ACAP2: variants seen among roughly 807,000 people sequenced by gnomAD.
ACAP2 encodes the protein arf-GAP with coiled-coil, ANK repeat and PH domain-containing protein 2.
In ACAP2, 39 loss-of-function variants were observed where a neutral mutation model predicts 115.8. The ratio of observed to expected loss-of-function variants is 0.34; its 90% CI spans 0.26 to 0.44. ACAP2 has a LOEUF of 0.44. Ranked by LOEUF, ACAP2 falls within the 20% of genes least tolerant of loss-of-function variation. The probability of loss-of-function intolerance (pLI) is 1.00; values close to 1 mark genes in which losing one functional copy is unlikely to be tolerated. For synonymous variants in ACAP2, 289 were observed against 315.8 expected (o/e 0.92, Z 0.90); for missense variants, 662 against 927.6 (o/e 0.71, Z 3.72).
intron 22 of ACAP2, among the ~76,000 whole-genome samples, chr3:195,283,884 A>G (rs1055526873): frequency 6.6e-6 from 1 of 152,070 alleles, no homozygotes; most frequent in African/African-American, 2.4e-5. Flanking sequence ...TTTTAAAATG[A>G]GGCTTTTTTT....
chr3:195,308,859 TA>T, intron 10 of ACAP2, 22 bp from the exon 11 acceptor site: 2 of 1,579,338 alleles, frequency 1.3e-6, no homozygotes, highest in Non-Finnish European at 8.6e-7. Flanking sequence ...CAAAATAGAT[TA>T]AGTTTTCATA....
At chr3:195,327,316 A>T (rs1729860351) in intron 8 of ACAP2, among the ~76,000 whole-genome samples, 2 of 152,170 alleles carry the variant, frequency 1.3e-5, no homozygotes, top group Admixed American at 1.3e-4. Context: ...CTGGTAGTTA[A>T]AATCAAAGAC....
chr3:195,304,776 G>A (rs1728313996), intron 13 of ACAP2, among the ~76,000 whole-genome samples: 3 of 152,294 alleles, frequency 2.0e-5, no homozygotes, highest in Middle Eastern at 3.4e-3. Context: ...AGACCCTGAC[G>A]ATGGTTGTTC....
At chr3:195,409,331 C>T (rs541227090) in intron 1 of ACAP2, among the ~76,000 whole-genome samples, 215 of 151,960 alleles carry the variant, frequency 1.4e-3, no homozygotes, top group African/African-American at 4.8e-3. Flanking sequence ...GAAAACAATG[C>T]CATTTATAAT....
At chr3:195,369,999 CTAAT>C (rs1263271760) in intron 4 of ACAP2, among the ~76,000 whole-genome samples, 2 of 152,194 alleles carry the variant, frequency 1.3e-5, no homozygotes, top group East Asian at 3.9e-4. Flanking sequence ...TTGCATTTCT[CTAAT>C]TATTAGTGAT....
At chr3:195,396,650 G>A (rs1447264313) in intron 1 of ACAP2, among the ~76,000 whole-genome samples, 3 of 151,886 alleles carry the variant, frequency 2.0e-5, no homozygotes, top group Non-Finnish European at 4.4e-5. Flanking sequence ...AGCCAGGCAT[G>A]GTGGCGCATG....
In ACAP2 at chr3:195,360,604, G is replaced by A. The variant is rs577751349; in HGVS notation, c.286-15287C>T. Among the ~76,000 whole-genome samples, 11 of 152,280 alleles carry A rather than the reference G, an allele frequency of 7.2e-5. No individual in the cohort carries two copies. In the South Asian group the frequency reaches 8.3e-4, roughly 11 times the overall value. ...GAGGTCAGGAGTTCGAGACCAGCCTGGCCAACATGGTGAAACCCCATTTCT... is the reference window on the plus strand; with the variant it reads ...GAGGTCAGGAGTTCGAGACCAGCCTAGCCAACATGGTGAAACCCCATTTCT... On this transcript the variant is annotated intron_variant, in intron 4 of 22. Coordinates refer to ENST00000326793, the MANE Select transcript of ACAP2 (RefSeq NM_012287.6).
At chr3:195,301,691 G>T (rs537626251) in intron 14 of ACAP2, 47 bp from the exon 15 acceptor site, 1 of 1,545,378 alleles carries the variant, frequency 6.5e-7, no homozygotes, top group African/African-American at 1.4e-5. Context: ...CTCTGTTTGC[G>T]TATTTGCGCA....
Position 195,277,818 on chromosome 3 carries a change from A to T in ACAP2, c.*1510T>A, listed in dbSNP as rs1437045520. On this transcript the variant is annotated 3_prime_UTR_variant, in exon 23 of 23. Coordinates refer to ENST00000326793, the MANE Select transcript of ACAP2 (RefSeq NM_012287.6). The stretch of plus-strand genomic sequence containing the variant: ...CAAATTAGGCTGGGTGCGGTGGCTC[A>T]CGCCTGTAATCCCAGCACTCTGGGA... 6.6e-6 allele frequency: 1 copy of T among 152,220 alleles called. No individual in the cohort carries two copies. The highest frequency in any genetic ancestry group is 1.5e-5 in the Non-Finnish European group (1 of 68,054). 9.4% of individuals were successfully genotyped at this position (152,220 alleles called of 1,614,324 possible).
At chr3:195,359,517 G>C (rs1339037285) in intron 4 of ACAP2, among the ~76,000 whole-genome samples, 1 of 152,190 alleles carries the variant, frequency 6.6e-6, no homozygotes, top group South Asian at 2.1e-4. Flanking sequence ...ACCCAGGCTG[G>C]AGTGCAGTGG....
chr3:195,417,214 G>A (rs997499362), intron 1 of ACAP2, among the ~76,000 whole-genome samples: 6 of 150,484 alleles, frequency 4.0e-5, no homozygotes, highest in Non-Finnish European at 7.4e-5. Flanking sequence ...TTACAGGCAT[G>A]AGCCACCACA....
intron 21 of ACAP2, among the ~76,000 whole-genome samples, chr3:195,287,338 C>T (rs528374991): frequency 1.9e-4 from 29 of 152,230 alleles, no homozygotes; most frequent in African/African-American, 6.7e-4. Context: ...GATCACATTA[C>T]ATTTTATTCA....
At chr3:195,356,073 T>C (rs78704743) in intron 4 of ACAP2, 2 of 456,452 alleles carry the variant, frequency 4.4e-6, no homozygotes, top group African/African-American at 2.0e-5. Context: ...AGTACCTTCA[T>C]ATTGCTGAAA....
intron 2 of ACAP2, among the ~76,000 whole-genome samples, 198 bp downstream of exon 2, chr3:195,391,892 G>GGGATCCCAA (rs1734702772): frequency 6.6e-6 from 1 of 152,042 alleles, no homozygotes; most frequent in Non-Finnish European, 1.5e-5. Flanking sequence ...CTACTTGGGA[G>GGGATCCCAA]GCTGAGGCAG....
At chr3:195,378,511 C>CAAA (rs111244710) in intron 4 of ACAP2, among the ~76,000 whole-genome samples, 43 of 147,506 alleles carry the variant, frequency 2.9e-4, no homozygotes, top group African/African-American at 1.0e-3. Flanking sequence ...ACAAAACAAA[C>CAAA]AAACAAAAAA....
At chr3:195,308,320 G>A (rs1452163950) in intron 11 of ACAP2, among the ~76,000 whole-genome samples, 1 of 146,086 alleles carries the variant, frequency 6.8e-6, no homozygotes, top group Non-Finnish European at 1.5e-5. Context: ...ACTAGACAAA[G>A]ATACATATAA....
chr3:195,431,379 G>A (rs1033607102), intron 1 of ACAP2, among the ~76,000 whole-genome samples: 1 of 151,866 alleles, frequency 6.6e-6, no homozygotes, highest in African/African-American at 2.4e-5. Flanking sequence ...CATTTCTCTT[G>A]GGTATACACC....
chr3:195,396,077 C>G (rs2108780249), intron 1 of ACAP2, among the ~76,000 whole-genome samples: 1 of 151,852 alleles, frequency 6.6e-6, no homozygotes, highest in South Asian at 2.1e-4. Flanking sequence ...ATGGTGAAAC[C>G]CCTTCTCTAA....
chr3:195,342,328 A>T (rs1423010011), intron 6 of ACAP2, 143 bp downstream of exon 6: 1 of 747,916 alleles, frequency 1.3e-6, no homozygotes, highest in Non-Finnish European at 2.0e-6. Context: ...ATAGCTACAC[A>T]GATGGAAATT....
Sources: allele counts gnomAD v4.1 joint callset (sites outside exome capture counted in the v4.1 genomes callset), GRCh38; gene constraint gnomAD v4.1.1; transcripts MANE v1.5; gene names NCBI Gene and HGNC (gene_info 2026-07-23, HGNC 2026-07-21).